Variants in KCNQ3 observed in about 807,000 individuals in gnomAD.
KCNQ3 encodes potassium voltage-gated channel subfamily KQT member 3.
Under a neutral mutation model 92.5 loss-of-function variants are expected in KCNQ3, and 30 were observed. The ratio of observed to expected loss-of-function variants is 0.32; its 90% CI spans 0.24 to 0.44. The LOEUF is 0.44. KCNQ3 is among the 20% of genes least tolerant of loss of function. KCNQ3 has a pLI of 1.00. For synonymous variants in KCNQ3, 450 were observed against 468.8 expected, an observed-to-expected ratio of 0.96 and a Z score of 0.52; for missense variants, 913 against 1,140.3, an observed-to-expected ratio of 0.80 and a Z score of 2.87.
At position 132,279,731 on chromosome 8, in the gene KCNQ3, T is replaced by G. The variant is rs555246801; in HGVS notation, c.387-93550A>C. Among the ~76,000 whole-genome samples the G allele has an allele frequency of 5.3e-5, 8 of 152,338 alleles. No homozygotes were observed. The South Asian group carries it at 1.7e-3, about 32-fold the overall frequency. ...ACATATATGCACACATACATATGCA[T>G]GTAAACACAAACACACATCTATGAT... On this transcript the variant is annotated intron_variant, in intron 1 of 14. Coordinates refer to ENST00000388996, the MANE Select transcript of KCNQ3 (RefSeq NM_004519.4).
At chr8:132,478,181 A>C (rs1287808590) in intron 1 of KCNQ3, among the ~76,000 whole-genome samples, 3 of 152,174 alleles carry the variant, frequency 2.0e-5, no homozygotes, top group Non-Finnish European at 4.4e-5. Flanking sequence ...AGGTTTTGGC[A>C]TTATCAAATC....
At chr8:132,382,531 T>G (rs1449838381) in intron 1 of KCNQ3, among the ~76,000 whole-genome samples, 2 of 152,200 alleles carry the variant, frequency 1.3e-5, no homozygotes, top group Admixed American at 1.3e-4. Context: ...CTTGTCTCTA[T>G]CAATTACCCA....
intron 1 of KCNQ3, among the ~76,000 whole-genome samples, chr8:132,462,405 C>T (rs1822083297): frequency 6.6e-6 from 1 of 152,146 alleles, no homozygotes. Context: ...CCAAGCTGGT[C>T]TTGAACTCTT....
At chr8:132,322,965 G>C (rs1263830326) in intron 1 of KCNQ3, among the ~76,000 whole-genome samples, 1 of 152,152 alleles carries the variant, frequency 6.6e-6, no homozygotes, top group African/African-American at 2.4e-5. Flanking sequence ...GCTGAGTCGA[G>C]CAGTTTGGGC....
Position 132,441,879 on chromosome 8 carries a change from G to A in KCNQ3, c.386+38268C>T, listed in dbSNP as rs374538721. Among the ~76,000 whole-genome samples, 92 of 152,232 alleles carry A rather than the reference G, an allele frequency of 6.0e-4. 3 individuals are homozygous for A. The South Asian group carries it at 0.018, about 29-fold the overall frequency. ...AGAAAATGTGGTACATATACACCAC[G>A]GAATACTATGGAGCCATAAAAAAAA... On this transcript the variant is annotated intron_variant, in intron 1 of 14. Transcript: ENST00000388996.
intron 1 of KCNQ3, among the ~76,000 whole-genome samples, chr8:132,403,198 T>A (rs2442975): frequency 0.78 from 117,640 of 151,614 alleles, 46,010 homozygotes; most frequent in South Asian, 0.91. Flanking sequence ...AAATCTATTA[T>A]TAATTTTTTT....
chr8:132,208,752 G>A (rs1813752714), intron 1 of KCNQ3, among the ~76,000 whole-genome samples: 1 of 152,078 alleles, frequency 6.6e-6, no homozygotes. Context: ...ACTTCTAATG[G>A]GTCTAATCAA....
chr8:132,274,497 G>T (rs1816262861), intron 1 of KCNQ3, among the ~76,000 whole-genome samples: 1 of 152,188 alleles, frequency 6.6e-6, no homozygotes, highest in Admixed American at 6.5e-5. Context: ...TATGCTAAAT[G>T]AGAATATGTA....
chr8:132,155,629 T>C (rs1004620971), intron 9 of KCNQ3, among the ~76,000 whole-genome samples: 2 of 152,166 alleles, frequency 1.3e-5, no homozygotes, highest in African/African-American at 4.8e-5. Context: ...TAGCCAACAT[T>C]ATTAAAAGTA....
intron 4 of KCNQ3, 106 bp from the exon 5 acceptor site, chr8:132,175,714 AC>A: frequency 9.5e-7 from 1 of 1,056,356 alleles, no homozygotes. Context: ...CAGCTCTGTG[AC>A]TGTGGTCAAA....
intron 1 of KCNQ3, among the ~76,000 whole-genome samples, chr8:132,356,238 C>T (rs57293661): frequency 0.011 from 1,705 of 152,168 alleles, 23 homozygotes; most frequent in African/African-American, 0.035. Context: ...TCAGCCATCA[C>T]GGAAGAAATA....
rs571767542 is a variant in KCNQ3, at chr8:132,271,928, C to T, written c.387-85747G>A. On this transcript the variant is annotated intron_variant, in intron 1 of 14. Coordinates refer to ENST00000388996, the MANE Select transcript of KCNQ3 (RefSeq NM_004519.4). ...AACCTGGCTGATCCTTTTGTGTACC[C>T]TGTTAGATGGTAGTTCTTCTCATTT... Among the ~76,000 whole-genome samples, 51 of 152,302 alleles carry T rather than the reference C, an allele frequency of 3.3e-4. No individual in the cohort carries two copies. In the South Asian group the frequency reaches 4.6e-3, roughly 14 times the overall value.
Position 132,128,937 on chromosome 8 carries a change from G to T in KCNQ3, c.*325C>A, listed in dbSNP as rs1824756582. 6.4e-6 allele frequency: 2 copies of T among 312,704 alleles called. No individual in the cohort carries two copies. The highest frequency in any genetic ancestry group is 1.2e-5 in the Non-Finnish European group (2 of 167,686). The allele number at this position is 312,704 out of a possible 1,614,324, so 19.4% of individuals were successfully genotyped here. A position where few individuals can be genotyped will look rare whatever the true frequency, so the allele number is the denominator to read the frequency against. Reference sequence around the variant, plus strand: ...AACCAGCCAACCAAACAGACAAATAGCATGGCTCATCAGTAATTTCTCCCT... The same window carrying T: ...AACCAGCCAACCAAACAGACAAATATCATGGCTCATCAGTAATTTCTCCCT... On this transcript the variant is annotated 3_prime_UTR_variant, in exon 15 of 15. Coordinates refer to ENST00000388996, the MANE Select transcript of KCNQ3 (RefSeq NM_004519.4).
In KCNQ3 at chr8:132,414,672, G is replaced by C. The variant is rs531935044; in HGVS notation, c.386+65475C>G. 1.2e-3 allele frequency among the ~76,000 whole-genome samples: 188 copies of C among 152,290 alleles called. 1 individual carries two copies. Among genetic ancestry groups the C allele is most frequent in the Middle Eastern group, 3.4e-3 (1 of 294 alleles). On this transcript the variant is annotated intron_variant, in intron 1 of 14. Transcript: ENST00000388996. ...TCCATCTTCAACCCCATGGACTGAC[G>C]GTGGGAAAGGTGGAGAGACAGGTGG... is the stretch of plus-strand genomic sequence containing the variant.
At chr8:132,407,595 C>T (rs2130792928) in intron 1 of KCNQ3, among the ~76,000 whole-genome samples, 1 of 152,332 alleles carries the variant, frequency 6.6e-6, no homozygotes, top group South Asian at 2.1e-4. Flanking sequence ...GTCTTTGGTG[C>T]TGTTCCTTCT....
intron 9 of KCNQ3, among the ~76,000 whole-genome samples, chr8:132,154,729 C>T (rs1825753981): frequency 6.6e-6 from 1 of 152,132 alleles, no homozygotes; most frequent in South Asian, 2.1e-4. Flanking sequence ...GAGATGGAAA[C>T]CTGTTAACGG....
At chr8:132,400,623 C>G (rs911536201) in intron 1 of KCNQ3, among the ~76,000 whole-genome samples, 2 of 152,256 alleles carry the variant, frequency 1.3e-5, no homozygotes, top group African/African-American at 4.8e-5. Context: ...TACAGGAAAG[C>G]AGCAGATGTG....
intron 1 of KCNQ3, among the ~76,000 whole-genome samples, chr8:132,422,381 TA>T (rs1563905669): frequency 6.6e-6 from 1 of 152,124 alleles, no homozygotes; most frequent in Non-Finnish European, 1.5e-5. Flanking sequence ...GGTTCCCCAC[TA>T]AGACTCAGCA....
chr8:132,387,878 T>A (rs1416804238), intron 1 of KCNQ3, among the ~76,000 whole-genome samples: 2 of 151,714 alleles, frequency 1.3e-5, no homozygotes, highest in Admixed American at 6.6e-5. Flanking sequence ...CCTGGGAGGT[T>A]GACTCTACAG....
Sources: gnomAD v4.1 joint callset for allele counts (sites outside exome capture counted in the v4.1 genomes callset) on GRCh38, gnomAD v4.1.1 for gene constraint, MANE v1.5 for transcripts, NCBI Gene and HGNC (gene_info 2026-07-23, HGNC 2026-07-21) for gene names.